RAD51B: variants seen among roughly 807,000 people sequenced by gnomAD.
RAD51B encodes the protein RAD51 paralog B.
A neutral mutation model predicts 42.2 loss-of-function variants in RAD51B; 38 were observed. That is an observed-to-expected ratio of 0.90 (90% CI 0.70 to 1.18). The LOEUF (loss-of-function observed/expected upper bound fraction) is 1.18, where lower values mean the gene tolerates loss of function less well. RAD51B is among the 50% of genes most tolerant of loss of function. RAD51B has a pLI of 0.00. For missense variants in RAD51B, 373 were observed against 400.7 expected, an observed-to-expected ratio of 0.93 and a Z score of 0.59; for synonymous variants, 154 against 145.2, an observed-to-expected ratio of 1.06 and a Z score of -0.43.
At chr14:68,573,963 T>G (rs934991211) in intron 10 of RAD51B, among the ~76,000 whole-genome samples, 1 of 133,070 alleles carries the variant, frequency 7.5e-6, no homozygotes, top group Non-Finnish European at 1.6e-5. Flanking sequence ...GGTGTGGGTG[T>G]GGGTGTCAGT....
At chr14:68,376,764 T>C (rs2083378507) in intron 8 of RAD51B, among the ~76,000 whole-genome samples, 1 of 152,228 alleles carries the variant, frequency 6.6e-6, no homozygotes, top group African/African-American at 2.4e-5. Flanking sequence ...ATCAGTAAGA[T>C]TGAAAATATT....
chr14:68,072,409 A>G (rs2076767612), intron 7 of RAD51B, among the ~76,000 whole-genome samples: 1 of 151,940 alleles, frequency 6.6e-6, no homozygotes, highest in Admixed American at 6.6e-5. Flanking sequence ...CTTGAAGTCC[A>G]CTGTTTGAGG....
chr14:68,178,591 G>A (rs995545729), intron 7 of RAD51B, among the ~76,000 whole-genome samples: 1 of 152,082 alleles, frequency 6.6e-6, no homozygotes, highest in African/African-American at 2.4e-5. Context: ...TGAAGCCCAG[G>A]CCTTTCAATT....
chr14:68,266,977 T>C (rs1442770705), intron 7 of RAD51B, among the ~76,000 whole-genome samples: 1 of 152,242 alleles, frequency 6.6e-6, no homozygotes. Context: ...GTGGGGCTCA[T>C]CTTCTAGGAA....
chr14:68,560,068 C>T (rs1349827289), intron 10 of RAD51B, among the ~76,000 whole-genome samples: 5 of 152,190 alleles, frequency 3.3e-5, no homozygotes, highest in Non-Finnish European at 5.9e-5. Context: ...TCTGCCTCCT[C>T]CTTGCCCCAT....
chr14:68,501,436 G>A (rs1478476091), intron 10 of RAD51B, among the ~76,000 whole-genome samples: 1 of 152,202 alleles, frequency 6.6e-6, no homozygotes, highest in Admixed American at 6.5e-5. Flanking sequence ...ATCATGAGGA[G>A]TGATGAGCTG....
chr14:68,098,894 G>T (rs1235345720), intron 7 of RAD51B, among the ~76,000 whole-genome samples: 1 of 152,220 alleles, frequency 6.6e-6, no homozygotes, highest in Non-Finnish European at 1.5e-5. Context: ...GTCCATGGCG[G>T]TGTTGCTGGG....
chr14:68,472,838 CG>C (rs2086160312), intron 10 of RAD51B, among the ~76,000 whole-genome samples: 1 of 152,162 alleles, frequency 6.6e-6, no homozygotes, highest in South Asian at 2.1e-4. Flanking sequence ...AAAGCAACAG[CG>C]ATCTTTTTTA....
downstream of RAD51B, among the ~76,000 whole-genome samples, chr14:68,598,662 C>T (rs956881854): frequency 6.6e-6 from 1 of 152,180 alleles, no homozygotes; most frequent in African/African-American, 2.4e-5. Flanking sequence ...AAGCCAGAGC[C>T]TAGCTGAACA....
intron 7 of RAD51B, among the ~76,000 whole-genome samples, chr14:68,264,048 C>T (rs1247685908): frequency 6.6e-6 from 1 of 152,240 alleles, no homozygotes; most frequent in Non-Finnish European, 1.5e-5. Context: ...CTTTGCTAGA[C>T]TCTTGAGATG....
At chr14:67,925,771 G>A (rs1466147012) in intron 7 of RAD51B, among the ~76,000 whole-genome samples, 1 of 152,206 alleles carries the variant, frequency 6.6e-6, no homozygotes. Context: ...CTGAAATCTA[G>A]GCGGAGGTTC....
chr14:68,350,676 T>C (rs1442146838), intron 8 of RAD51B, among the ~76,000 whole-genome samples: 1 of 152,238 alleles, frequency 6.6e-6, no homozygotes, highest in African/African-American at 2.4e-5. Flanking sequence ...TAAATAGAAT[T>C]AAGTGAAGAT....
intron 7 of RAD51B, among the ~76,000 whole-genome samples, chr14:68,110,621 T>A (rs1299561336): frequency 2.0e-5 from 3 of 152,110 alleles, no homozygotes; most frequent in Admixed American, 1.3e-4. Flanking sequence ...CCTAATAACA[T>A]TATTTAATCC....
At chr14:68,648,672 CAA>C (rs896703270) in intron 10 of RAD51B, among the ~76,000 whole-genome samples, 1 of 79,804 alleles carries the variant, frequency 1.3e-5, no homozygotes, top group African/African-American at 5.7e-5. Flanking sequence ...TAAAAGCACA[CAA>C]ACACACACAC....
chr14:68,350,717 A>G (rs2082768387), intron 8 of RAD51B, among the ~76,000 whole-genome samples: 1 of 152,196 alleles, frequency 6.6e-6, no homozygotes, highest in South Asian at 2.1e-4. Context: ...TGGAGGGGAG[A>G]TGGTGGTTGC....
In RAD51B at chr14:68,079,397, C is replaced by T. The variant is rs115905679; in HGVS notation, c.756+192193C>T. ...CATTGATTTGCATAATATTTTGGGG[C>T]ATTTTAAAAATATACATCAATCCCC... is the stretch of plus-strand genomic sequence containing the variant. On this transcript the variant is annotated intron_variant, in intron 7 of 10. Transcript: ENST00000471583. Among the ~76,000 whole-genome samples, 430 of 152,246 alleles carry T rather than the reference C, an allele frequency of 2.8e-3. 2 individuals are homozygous for T. The highest frequency in any genetic ancestry group is 9.6e-3 in the African/African-American group (399 of 41,556).
rs1030101381 is a variant in RAD51B, at chr14:68,455,746, T to A, written c.958-12426T>A. Reference sequence around the variant, plus strand: ...AAAAATTAAAAAAAAAATTTTTTTTTAAAAAGTGTGTTGGTAAAGATAAAT... The same window carrying A: ...AAAAATTAAAAAAAAAATTTTTTTTAAAAAAGTGTGTTGGTAAAGATAAAT... On this transcript the variant is annotated intron_variant, in intron 9 of 10. Coordinates refer to ENST00000471583, the MANE Select transcript of RAD51B (RefSeq NM_133510.4). Among the ~76,000 whole-genome samples, 51 of 151,382 alleles carry A rather than the reference T, an allele frequency of 3.4e-4. 1 individual carries two copies. The highest frequency in any genetic ancestry group is 4.2e-4 in the South Asian group (2 of 4,782).
chr14:68,014,284 T>C (rs1428874887), intron 7 of RAD51B, among the ~76,000 whole-genome samples: 1 of 152,052 alleles, frequency 6.6e-6, no homozygotes, highest in Non-Finnish European at 1.5e-5. Context: ...CCTGTTTTTT[T>C]ACATTTGTTG....
chr14:68,150,918 C>T (rs2078365210), intron 7 of RAD51B, among the ~76,000 whole-genome samples: 1 of 152,054 alleles, frequency 6.6e-6, no homozygotes, highest in Admixed American at 6.5e-5. Flanking sequence ...AAATCCCACA[C>T]TGAGTTTTAT....
Sources: allele counts gnomAD v4.1 joint callset (sites outside exome capture counted in the v4.1 genomes callset), GRCh38; gene constraint gnomAD v4.1.1; transcripts MANE v1.5; gene names NCBI Gene and HGNC (gene_info 2026-07-23, HGNC 2026-07-21).